Variants in ACP3 observed in about 807,000 individuals in gnomAD.
The protein encoded by ACP3 is prostatic acid phosphatase.
Under a neutral mutation model 45.6 loss-of-function variants are expected in ACP3, and 38 were observed. The observed-to-expected ratio is 0.83, with a 90% CI of 0.64 to 1.09. The LOEUF (loss-of-function observed/expected upper bound fraction) is 1.09, where lower values mean the gene tolerates loss of function less well. Among genes scored for constraint, ACP3 ranks in the 50% least tolerant of loss-of-function variants. The probability of loss-of-function intolerance (pLI) is 0.00; values close to 1 mark genes in which losing one functional copy is unlikely to be tolerated. For missense variants in ACP3, 466 were observed against 463.2 expected (o/e 1.01, Z -0.05); for synonymous variants, 162 against 164.7 (o/e 0.98, Z 0.13).
chr3:132,320,736 C>T (rs780291983), intron 1 of ACP3, among the ~76,000 whole-genome samples: 1 of 151,628 alleles, frequency 6.6e-6, no homozygotes, highest in Non-Finnish European at 1.5e-5. Context: ...CTGCAACCTC[C>T]GTCTCCCAGG....
intron 2 of ACP3, among the ~76,000 whole-genome samples, chr3:132,329,946 C>A (rs1297120106): frequency 8.2e-6 from 1 of 121,266 alleles, no homozygotes; most frequent in Non-Finnish European, 1.6e-5. Context: ...GAGATGGAGT[C>A]TCACTCTGTC....
intron 8 of ACP3, among the ~76,000 whole-genome samples, chr3:132,350,792 T>A (rs995505832): frequency 6.6e-6 from 1 of 152,202 alleles, no homozygotes; most frequent in Admixed American, 6.5e-5. Context: ...TGTCAGTGTT[T>A]GCTCAGGGAA....
downstream of ACP3, chr3:132,358,842 G>A (rs1392170849): frequency 1.0e-5 from 10 of 985,004 alleles, no homozygotes; most frequent in Non-Finnish European, 1.2e-5. Context: ...GATTTCAGGA[G>A]CTCCCTTTGT....
chr3:132,366,268 C>G (rs1938129959), intron 10 of ACP3, among the ~76,000 whole-genome samples: 1 of 150,498 alleles, frequency 6.6e-6, no homozygotes, highest in Non-Finnish European at 1.5e-5. Flanking sequence ...CCACTGCACT[C>G]CAGCTTGGGT....
chr3:132,339,784 T>C (rs1937531482), intron 5 of ACP3, among the ~76,000 whole-genome samples: 1 of 152,190 alleles, frequency 6.6e-6, no homozygotes, highest in East Asian at 1.9e-4. Context: ...GCATGATTGA[T>C]TAAGCCACAG....
intron 10 of ACP3, among the ~76,000 whole-genome samples, chr3:132,366,866 C>T (rs1168805751): frequency 2.0e-5 from 3 of 152,124 alleles, no homozygotes; most frequent in Non-Finnish European, 4.4e-5. Context: ...TCTTATTTTC[C>T]TCATTCTCTT....
intron 9 of ACP3, among the ~76,000 whole-genome samples, chr3:132,355,259 C>G (rs1440080378): frequency 6.6e-6 from 1 of 152,142 alleles, no homozygotes; most frequent in Non-Finnish European, 1.5e-5. Context: ...GTGACTTGGT[C>G]CTACCTAGGT....
chr3:132,363,862 G>A (rs551915695), intron 10 of ACP3, among the ~76,000 whole-genome samples: 237 of 152,224 alleles, frequency 1.6e-3, no homozygotes, highest in Non-Finnish European at 2.7e-3. Flanking sequence ...GCTTGAACCC[G>A]GGAGGCGGAG....
chr3:132,352,965 G>A, intron 9 of ACP3, 142 bp downstream of exon 9: 1 of 608,714 alleles, frequency 1.6e-6, no homozygotes, highest in Admixed American at 3.0e-5. Context: ...CAAGATCTTT[G>A]CTAGTCATGT....
At chr3:132,340,367 A>T (rs1386114243) in intron 5 of ACP3, among the ~76,000 whole-genome samples, 1 of 151,964 alleles carries the variant, frequency 6.6e-6, no homozygotes, top group Non-Finnish European at 1.5e-5. Flanking sequence ...ATAGATAATG[A>T]ATGGCATTTT....
Position 132,356,995 on chromosome 3 carries a change from T to G in ACP3, c.*117T>G. On this transcript the variant is annotated 3_prime_UTR_variant, in exon 10 of 10. Coordinates refer to ENST00000336375, the MANE Select transcript of ACP3 (RefSeq NM_001099.5). ...GAGGAAAATGGGCTTTGGATGATTA[T>G]TTTATGTTTTAGGGACCCCCAACCT... The G allele has an allele frequency of 7.1e-7, 1 of 1,416,480 alleles. No homozygotes were observed. Among genetic ancestry groups the G allele is most frequent in the Non-Finnish European group, 9.2e-7 (1 of 1,086,340 alleles). The allele number at this position is 1,416,480 out of a possible 1,614,324, so 87.7% of individuals were successfully genotyped here. A position where few individuals can be genotyped will look rare whatever the true frequency, so the allele number is the denominator to read the frequency against.
rs147157265 is a variant in ACP3 at position 132,328,186 on chromosome 3, A to C, written c.121-81A>C. ...GCCAAAGTTAAAACCAATGAGTTAG[A>C]AAAAAAAAAACTATTATAATGAGCA... On this transcript the variant is annotated intron_variant, in intron 1 of 9. Coordinates refer to ENST00000336375, the MANE Select transcript of ACP3 (RefSeq NM_001099.5). The C allele has an allele frequency of 1.3e-5, 11 of 868,408 alleles. No individual in the cohort carries two copies. In the East Asian group the frequency reaches 1.3e-4, roughly 10 times the overall value. 53.8% of individuals were successfully genotyped at this position (868,408 alleles called of 1,614,324 possible). A position where few individuals can be genotyped will look rare whatever the true frequency, so the allele number is the denominator to read the frequency against.
chr3:132,344,070 G>A (rs113239733), intron 6 of ACP3, among the ~76,000 whole-genome samples: 2,114 of 152,212 alleles, frequency 0.014, 50 homozygotes, highest in African/African-American at 0.047. Flanking sequence ...CTGAGCTCAG[G>A]AGTTCGAGAC....
intron 8 of ACP3, among the ~76,000 whole-genome samples, chr3:132,351,111 A>T (rs1394127330): frequency 6.6e-6 from 1 of 152,176 alleles, no homozygotes; most frequent in African/African-American, 2.4e-5. Flanking sequence ...TGGGCCAGGC[A>T]AATGTACTGA....
intron 4 of ACP3, among the ~76,000 whole-genome samples, chr3:132,336,264 C>A (rs309999): frequency 0.68 from 102,605 of 151,800 alleles, 35,215 homozygotes; most frequent in East Asian, 0.94. Context: ...TGTCTCAAAA[C>A]ATAATAATAA....
At position 132,357,723 on chromosome 3, in the gene ACP3, A is replaced by G. The variant is rs1339136302; in HGVS notation, c.*845A>G. ...GAGTTTCTCTAGAAGCTCCAGTGAT[A>G]AGAGATGTTGACTCTAAAGTTGATT... On this transcript the variant is annotated 3_prime_UTR_variant, in exon 10 of 10. Coordinates refer to ENST00000336375, the MANE Select transcript of ACP3 (RefSeq NM_001099.5). The G allele has an allele frequency of 1.5e-5, 15 of 985,252 alleles. No individual in the cohort carries two copies. The highest frequency in any genetic ancestry group is 1.8e-5 in the Non-Finnish European group (15 of 829,930). The allele number at this position is 985,252 out of a possible 1,614,324, so 61.0% of individuals were successfully genotyped here.
At chr3:132,328,224 C>T in intron 1 of ACP3, 43 bp from the exon 2 acceptor site, 2 of 1,513,352 alleles carry the variant, frequency 1.3e-6, no homozygotes, top group Non-Finnish European at 1.8e-6. Context: ...AGCAAAACAC[C>T]CAAGTGACGT....
intron 1 of ACP3, among the ~76,000 whole-genome samples, chr3:132,327,875 C>T (rs765609467): frequency 2.0e-5 from 3 of 152,112 alleles, no homozygotes; most frequent in Non-Finnish European, 4.4e-5. Flanking sequence ...CAGTAAAGTA[C>T]TCTTGTCAGC....
At chr3:132,322,469 A>G (rs1162209835) in intron 1 of ACP3, among the ~76,000 whole-genome samples, 2 of 152,246 alleles carry the variant, frequency 1.3e-5, no homozygotes, top group African/African-American at 4.8e-5. Context: ...AAAATAAAAT[A>G]GACTTCTACT....
Sources: allele counts gnomAD v4.1 joint callset (sites outside exome capture counted in the v4.1 genomes callset), GRCh38; gene constraint gnomAD v4.1.1; transcripts MANE v1.5; gene names NCBI Gene and HGNC (gene_info 2026-07-23, HGNC 2026-07-21).